Variants in CDH1 observed in about 807,000 individuals in gnomAD.
CDH1 encodes the protein cadherin 1, also known as cadherin-1.
CDH1 carries 35 observed loss-of-function variants against 84.5 expected under a neutral mutation model. The ratio of observed to expected loss-of-function variants is 0.41; its 90% CI spans 0.32 to 0.55. CDH1 has a LOEUF of 0.55. CDH1 is among the 20% of genes least tolerant of loss of function. The pLI is 0.19. For missense variants in CDH1, 994 were observed against 1,126.6 expected, an observed-to-expected ratio of 0.88 and a Z score of 1.68; for synonymous variants, 417 against 439.0, an observed-to-expected ratio of 0.95 and a Z score of 0.63.
At chr16:68,823,081 T>C in intron 12 of CDH1, 1 of 325,778 alleles carries the variant, frequency 3.1e-6, no homozygotes. Flanking sequence ...GCAAAAAGGT[T>C]CACCCTCAGG....
chr16:68,798,367 G>T (rs1960416690), intron 2 of CDH1, among the ~76,000 whole-genome samples: 1 of 152,154 alleles, frequency 6.6e-6, no homozygotes, highest in Non-Finnish European at 1.5e-5. Context: ...GCCCTTGCCA[G>T]CGTGACAGTG....
At chr16:68,763,728 C>T (rs554855132) in intron 2 of CDH1, among the ~76,000 whole-genome samples, 1 of 152,218 alleles carries the variant, frequency 6.6e-6, no homozygotes, top group Non-Finnish European at 1.5e-5. Flanking sequence ...TAGGCCTTTG[C>T]CTGTCTGACA....
At chr16:68,824,356 A>T (rs1961262905) in intron 13 of CDH1, among the ~76,000 whole-genome samples, 1 of 152,150 alleles carries the variant, frequency 6.6e-6, no homozygotes, top group Non-Finnish European at 1.5e-5. Flanking sequence ...CTTAGACCAT[A>T]GGCAGAGTAG....
chr16:68,805,932 G>A (rs1280255410), intron 3 of CDH1, among the ~76,000 whole-genome samples: 6 of 151,810 alleles, frequency 4.0e-5, no homozygotes, highest in Non-Finnish European at 8.8e-5. Flanking sequence ...AGGATACAGT[G>A]GTTTTTCTGG....
At chr16:68,743,821 T>G (rs1962652814) in intron 2 of CDH1, among the ~76,000 whole-genome samples, 1 of 152,236 alleles carries the variant, frequency 6.6e-6, no homozygotes, top group African/African-American at 2.4e-5. Context: ...GCTATTTGAC[T>G]TTGAATAAGT....
chr16:68,829,083 G>A (rs542697829), intron 14 of CDH1, among the ~76,000 whole-genome samples: 39 of 152,188 alleles, frequency 2.6e-4, no homozygotes, highest in Non-Finnish European at 4.4e-4. Flanking sequence ...CTCATGTACC[G>A]TGGGGTAGCT....
At chr16:68,738,245 A>C in intron 1 of CDH1, 52 bp from the exon 2 acceptor site, 4 of 1,214,062 alleles carry the variant, frequency 3.3e-6, no homozygotes, top group Non-Finnish European at 4.8e-6. Flanking sequence ...TTCGGTGAGC[A>C]GGAGGGAACC....
chr16:68,778,617 A>G (rs895345595), intron 2 of CDH1, among the ~76,000 whole-genome samples: 6 of 152,102 alleles, frequency 3.9e-5, no homozygotes. Context: ...GGAAATGGAC[A>G]CCTGAGATAA....
At chr16:68,820,076 G>A (rs1322985074) in intron 11 of CDH1, among the ~76,000 whole-genome samples, 1 of 151,906 alleles carries the variant, frequency 6.6e-6, no homozygotes, top group Non-Finnish European at 1.5e-5. Flanking sequence ...GTGAGCACCT[G>A]TAGGCCCAGC....
At chr16:68,774,393 G>A (rs1481892856) in intron 2 of CDH1, among the ~76,000 whole-genome samples, 2 of 152,122 alleles carry the variant, frequency 1.3e-5, no homozygotes, top group Non-Finnish European at 2.9e-5. Context: ...GGCGGTGGGT[G>A]CCTTTAATCC....
chr16:68,827,831 C>A (rs1961361474), intron 13 of CDH1, among the ~76,000 whole-genome samples: 1 of 152,138 alleles, frequency 6.6e-6, no homozygotes, highest in South Asian at 2.1e-4. Flanking sequence ...TCCATCACAC[C>A]AAACATGCTC....
At chr16:68,749,105 G>A (rs1962823282) in intron 2 of CDH1, among the ~76,000 whole-genome samples, 1 of 152,166 alleles carries the variant, frequency 6.6e-6, no homozygotes, top group Admixed American at 6.5e-5. Context: ...CCAAAGTGCT[G>A]GGATTACAGG....
At chr16:68,798,599 A>T (rs1433536019) in intron 2 of CDH1, among the ~76,000 whole-genome samples, 1 of 152,162 alleles carries the variant, frequency 6.6e-6, no homozygotes, top group Non-Finnish European at 1.5e-5. Context: ...GGATCAAGTT[A>T]TTTGCAAAAC....
chr16:68,791,713 T>A (rs1415569103), intron 2 of CDH1, among the ~76,000 whole-genome samples: 1 of 150,588 alleles, frequency 6.6e-6, no homozygotes, highest in Non-Finnish European at 1.5e-5. Context: ...TGAGCCACCA[T>A]GATTACTTAT....
Position 68,810,268 on chromosome 16 carries a change from C to A in CDH1, c.759C>A (p.Thr253=), listed in dbSNP as rs372934565. 4 of 1,613,576 alleles carry A rather than the reference C, an allele frequency of 2.5e-6. No individual in the cohort carries two copies. The Admixed American group carries it at 6.7e-5, about 27-fold the overall frequency. The change falls in exon 6 of 16, where the codon ACC becomes ACA. Residue 253 remains threonine, a synonymous_variant. Transcript: ENST00000261769. ...CAATGGAGATTTTGATCACGGTAACCGATCAGAATGACAACAAGCCCGAAT... is the reference window on the plus strand; with the variant it reads ...CAATGGAGATTTTGATCACGGTAACAGATCAGAATGACAACAAGCCCGAAT... The part of the protein sequence containing the change: ...EDPMEILITV[T]DQNDNKPEFT...
chr16:68,761,298 C>T (rs1597856954), intron 2 of CDH1, among the ~76,000 whole-genome samples: 1 of 151,828 alleles, frequency 6.6e-6, no homozygotes, highest in Admixed American at 6.5e-5. Flanking sequence ...GCTGATACAT[C>T]AGGCTTGGGG....
intron 2 of CDH1, among the ~76,000 whole-genome samples, chr16:68,745,571 T>TATATATGTATATAG (rs1962710656): frequency 7.8e-6 from 1 of 128,400 alleles, no homozygotes; most frequent in Non-Finnish European, 1.6e-5. Context: ...TATGTATATA[T>TATATATGTATATAG]ATATGTATGT....
intron 10 of CDH1, 143 bp downstream of exon 10, chr16:68,815,902 A>G: frequency 9.7e-7 from 1 of 1,035,124 alleles, no homozygotes; most frequent in Non-Finnish European, 1.4e-6. Context: ...TATTCCCTTT[A>G]TCTGTGCTCC....
intron 12 of CDH1, chr16:68,823,139 G>A (rs2152139033): frequency 2.1e-6 from 1 of 483,198 alleles, no homozygotes; most frequent in Non-Finnish European, 3.7e-6. Context: ...GCCCCGCTCT[G>A]CCTAAGCCTC....
Sources: allele counts gnomAD v4.1 joint callset (sites outside exome capture counted in the v4.1 genomes callset), GRCh38; gene constraint gnomAD v4.1.1; transcripts MANE v1.5; gene names NCBI Gene and HGNC (gene_info 2026-07-23, HGNC 2026-07-21).